CCDC43: variants seen among roughly 807,000 people sequenced by gnomAD.
CCDC43 encodes the protein coiled-coil domain containing 43.
CCDC43 carries 20 observed loss-of-function variants against 33.3 expected under a neutral mutation model. The observed-to-expected ratio is 0.60, with a 90% CI of 0.42 to 0.87. The LOEUF is 0.87. Ranked by LOEUF, CCDC43 falls within the 40% of genes least tolerant of loss-of-function variation. CCDC43 has a pLI of 0.00. For synonymous variants in CCDC43, 104 were observed against 106.5 expected, an observed-to-expected ratio of 0.98 and a Z score of 0.14; for missense variants, 248 against 269.9, an observed-to-expected ratio of 0.92 and a Z score of 0.57.
intron 1 of CCDC43, among the ~76,000 whole-genome samples, chr17:44,685,054 G>A (rs1019877530): frequency 6.6e-6 from 1 of 152,082 alleles, no homozygotes; most frequent in African/African-American, 2.4e-5. Context: ...CTAAAGTGTT[G>A]GGATTACAGG....
intron 4 of CCDC43, among the ~76,000 whole-genome samples, chr17:44,680,046 C>T (rs568997732): frequency 3.3e-5 from 5 of 152,008 alleles, no homozygotes; most frequent in South Asian, 2.1e-4. Flanking sequence ...GGCAAGATCT[C>T]GGCTCACTGC....
At chr17:44,681,218 C>G (rs1318476421) in intron 3 of CCDC43, among the ~76,000 whole-genome samples, 1 of 152,102 alleles carries the variant, frequency 6.6e-6, no homozygotes, top group East Asian at 1.9e-4. Flanking sequence ...GCAGGCAGAT[C>G]ATGAGGTCAG....
rs1409697398 is a variant in CCDC43 at position 44,678,028 on chromosome 17, G to A, written c.*828C>T. 6.6e-6 allele frequency: 1 copy of A among 152,538 alleles called. No individual in the cohort carries two copies. The highest frequency in any genetic ancestry group is 1.5e-5 in the Non-Finnish European group (1 of 68,012). 9.4% of individuals were successfully genotyped at this position (152,538 alleles called of 1,614,324 possible). A position where few individuals can be genotyped will look rare whatever the true frequency, so the allele number is the denominator to read the frequency against. Reference sequence around the variant, plus strand: ...TACACTCTTAAATATCTTGGTGTTAGCAGAAATTTCCAGTGTTTCTTCCTT... The same window carrying A: ...TACACTCTTAAATATCTTGGTGTTAACAGAAATTTCCAGTGTTTCTTCCTT... On this transcript the variant is annotated 3_prime_UTR_variant, in exon 5 of 5. Coordinates refer to ENST00000315286, the MANE Select transcript of CCDC43 (RefSeq NM_144609.3).
At chr17:44,685,936 C>T (rs538472727) in intron 1 of CCDC43, among the ~76,000 whole-genome samples, 3 of 151,714 alleles carry the variant, frequency 2.0e-5, no homozygotes, top group East Asian at 3.9e-4. Flanking sequence ...TTTTTTGAGA[C>T]GGAGTCTCGC....
intron 3 of CCDC43, among the ~76,000 whole-genome samples, chr17:44,681,493 A>T (rs1292921256): frequency 2.6e-5 from 4 of 152,184 alleles, no homozygotes; most frequent in Non-Finnish European, 5.9e-5. Context: ...ACCTGGTCAC[A>T]TAAGAAAGAA....
intron 3 of CCDC43, among the ~76,000 whole-genome samples, 160 bp from the exon 4 acceptor site, chr17:44,680,803 C>T (rs1972147705): frequency 6.6e-6 from 1 of 152,118 alleles, no homozygotes; most frequent in Non-Finnish European, 1.5e-5. Context: ...GAAACCTCAA[C>T]TTAGGAAAGA....
intron 4 of CCDC43, 45 bp downstream of exon 4, chr17:44,680,540 G>GAA (rs1199816402): frequency 7.2e-7 from 1 of 1,389,112 alleles, no homozygotes; most frequent in Admixed American, 1.7e-5. Flanking sequence ...CTGATCTCAA[G>GAA]AGGACTCTAT....
intron 4 of CCDC43, among the ~76,000 whole-genome samples, chr17:44,680,128 C>G (rs181126164): frequency 5.9e-4 from 90 of 151,846 alleles, no homozygotes; most frequent in African/African-American, 2.0e-3. Flanking sequence ...TGACTATAGG[C>G]ACATGCCACT....
intron 3 of CCDC43, among the ~76,000 whole-genome samples, chr17:44,681,425 G>A (rs906410286): frequency 1.3e-5 from 2 of 152,296 alleles, no homozygotes; most frequent in African/African-American, 4.8e-5. Context: ...GCGACGAAGC[G>A]AGACTCTGTC....
chr17:44,688,467 G>T (rs1972274507), intron 1 of CCDC43, among the ~76,000 whole-genome samples: 5 of 152,092 alleles, frequency 3.3e-5, no homozygotes, highest in Admixed American at 3.3e-4. Context: ...GGTACATTTT[G>T]ATTCTATTAC....
chr17:44,686,213 G>T (rs8072000), intron 1 of CCDC43, among the ~76,000 whole-genome samples: 5 of 152,116 alleles, frequency 3.3e-5, no homozygotes, highest in African/African-American at 1.2e-4. Context: ...GCGCCCAGCC[G>T]AGCCCATGTT....
chr17:44,685,459 CA>C (rs559620998), intron 1 of CCDC43, among the ~76,000 whole-genome samples: 97 of 152,324 alleles, frequency 6.4e-4, no homozygotes, highest in Admixed American at 3.3e-3. Context: ...CATGATATAA[CA>C]AAAATCTTGT....
chr17:44,682,010 C>A lies in CCDC43; in HGVS notation c.421G>T (p.Glu141Ter). 6.2e-7 allele frequency: 1 copy of A among 1,614,002 alleles called. No homozygotes were observed. The highest frequency in any genetic ancestry group is 1.3e-5 in the African/African-American group (1 of 75,052). ...AGACTCCAGAAAGGATATTCCTCTT[C>A]ATCTGTCACATCAGCATACTGGGCC... Reference protein sequence around the residue: ...LLAQYADVTDEEDEADEKDDS... With the variant: ...LLAQYADVTD The change falls in exon 3 of 5, where the codon GAA (glutamate) becomes TAA (stop). Residue 141 changes from glutamate to a stop codon, truncating the protein, a stop_gained. Transcript: ENST00000315286. LOFTEE classifies it high-confidence loss of function.
intron 3 of CCDC43, among the ~76,000 whole-genome samples, chr17:44,681,313 C>G (rs1339896965): frequency 2.0e-5 from 3 of 152,070 alleles, no homozygotes; most frequent in Non-Finnish European, 4.4e-5. Context: ...TGGCACGTGC[C>G]TATAGTCCCA....
At chr17:44,686,771 TTCTA>T (rs1407582050) in intron 1 of CCDC43, among the ~76,000 whole-genome samples, 6 of 152,184 alleles carry the variant, frequency 3.9e-5, no homozygotes, top group Non-Finnish European at 7.3e-5. Flanking sequence ...GGGCAGGAAT[TTCTA>T]TCTGTTTTAT....
chr17:44,689,502 T>A, intron 1 of CCDC43, 48 bp downstream of exon 1: 4 of 1,611,878 alleles, frequency 2.5e-6, no homozygotes, highest in African/African-American at 1.3e-5. Context: ...TACTGACAGG[T>A]CCTCAGATGC....
intron 4 of CCDC43, 148 bp from the exon 5 acceptor site, chr17:44,679,191 T>C (rs1598733069): frequency 2.0e-6 from 1 of 487,910 alleles, no homozygotes; most frequent in East Asian, 3.3e-5. Context: ...CTTATGTTTA[T>C]CCTTGGTCTA....
At chr17:44,680,019 C>T (rs757376481) in intron 4 of CCDC43, among the ~76,000 whole-genome samples, 1 of 152,000 alleles carries the variant, frequency 6.6e-6, no homozygotes, top group African/African-American at 2.4e-5. Flanking sequence ...CTCTCATATC[C>T]CAGGCCAGAG....
At chr17:44,687,684 G>A (rs926137866) in intron 1 of CCDC43, 6 of 151,808 alleles carry the variant, frequency 4.0e-5, no homozygotes, top group Non-Finnish European at 7.4e-5. Context: ...TGATCAAGAA[G>A]CTGGTACCAA....
Sources: gnomAD v4.1 joint callset for allele counts (sites outside exome capture counted in the v4.1 genomes callset) on GRCh38, gnomAD v4.1.1 for gene constraint, MANE v1.5 for transcripts, NCBI Gene and HGNC (gene_info 2026-07-23, HGNC 2026-07-21) for gene names.